Variants in SV2B observed in about 807,000 individuals in gnomAD.
SV2B encodes the protein solute carrier family 22 member B2.
In SV2B, 41 loss-of-function variants were observed where a neutral mutation model predicts 73.9. The ratio of observed to expected loss-of-function variants is 0.56; its 90% CI spans 0.43 to 0.72. SV2B has a LOEUF of 0.72. Among genes scored for constraint, SV2B ranks in the 30% least tolerant of loss-of-function variants. SV2B has a pLI of 0.00. For synonymous variants in SV2B, 314 were observed against 314.2 expected (o/e 1.00, Z 0.01); for missense variants, 764 against 857.8 (o/e 0.89, Z 1.37).
intron 1 of SV2B, among the ~76,000 whole-genome samples, chr15:91,153,625 T>C (rs889929994): frequency 6.6e-5 from 10 of 152,100 alleles, no homozygotes; most frequent in Admixed American, 5.9e-4. Context: ...TGAGATAAGC[T>C]TGTGTCATGC....
intron 1 of SV2B, among the ~76,000 whole-genome samples, chr15:91,219,507 C>T (rs938942279): frequency 3.3e-5 from 5 of 152,000 alleles, no homozygotes; most frequent in African/African-American, 1.2e-4. Context: ...TTAGAGCAGC[C>T]TATATTCCAT....
chr15:91,205,806 T>C (rs2045614353), intron 1 of SV2B, among the ~76,000 whole-genome samples: 1 of 152,218 alleles, frequency 6.6e-6, no homozygotes, highest in South Asian at 2.1e-4. Flanking sequence ...CAATATCATT[T>C]AGTCTAGGTT....
At position 91,223,439 on chromosome 15, in the gene SV2B, G is replaced by T. The variant is rs1261962135; in HGVS notation, c.-391-2434G>T. Among the ~76,000 whole-genome samples the T allele has an allele frequency of 1.3e-5, 2 of 152,186 alleles. No homozygotes were observed. Among genetic ancestry groups the T allele is most frequent in the African/African-American group, 4.8e-5 (2 of 41,440 alleles). ...GTCTTTTAACTGAATCAGGTGAGTG[G>T]AGTTAGTTTTGACGAAGATCCTCTT... On this transcript the variant is annotated intron_variant, in intron 1 of 12. Coordinates refer to ENST00000394232, the MANE Select transcript of SV2B (RefSeq NM_001323032.3). This position sits in a 1 kb window ranked among gnomAD's most constrained non-coding sequence, Gnocchi z 4.6.
intron 1 of SV2B, among the ~76,000 whole-genome samples, chr15:91,155,888 A>T (rs2043474160): frequency 6.6e-6 from 1 of 152,048 alleles, no homozygotes. Context: ...GCATTTTAAG[A>T]GTCCCTGAAA....
chr15:91,252,463 T>A lies in SV2B; in HGVS notation c.727T>A (p.Trp243Arg). The change falls in exon 4 of 13, where the codon TGG becomes AGG. Residue 243 changes from tryptophan (W) to arginine (R), a missense_variant. Transcript: ENST00000394232. This position sits in a 1 kb window ranked among gnomAD's most constrained non-coding sequence, Gnocchi z 4.6. ...GEHLSWLGIF[W>R]MTGGLYASAM... ...ACACCTCAGTTGGCTGGGCATCTTC[T>A]GGATGACTGGGGGCCTGTACGCATC... 6.2e-7 allele frequency: 1 copy of A among 1,613,880 alleles called. No homozygotes were observed. The highest frequency in any genetic ancestry group is 1.1e-5 in the South Asian group (1 of 91,012).
intron 2 of SV2B, among the ~76,000 whole-genome samples, chr15:91,244,355 C>G (rs1156401847): frequency 6.6e-6 from 1 of 152,144 alleles, no homozygotes; most frequent in Non-Finnish European, 1.5e-5. Context: ...GAAAGAATTC[C>G]AACTACCAAG....
At chr15:91,159,523 A>T (rs944240720) in intron 1 of SV2B, among the ~76,000 whole-genome samples, 1 of 152,218 alleles carries the variant, frequency 6.6e-6, no homozygotes. Flanking sequence ...ATGATTTTTG[A>T]TAAAAACATG....
chr15:91,160,867 T>G (rs1477405449), intron 1 of SV2B, among the ~76,000 whole-genome samples: 2 of 152,154 alleles, frequency 1.3e-5, no homozygotes, highest in Non-Finnish European at 2.9e-5. Flanking sequence ...AAATTTCAGA[T>G]GCATTAATCA....
chr15:91,107,703 G>C (rs766989131), intron 1 of SV2B, among the ~76,000 whole-genome samples: 60 of 152,106 alleles, frequency 3.9e-4, no homozygotes, highest in Non-Finnish European at 6.5e-4. Context: ...TTGACCTCCC[G>C]GGCTCAAGTG....
At chr15:91,160,161 A>G (rs1222990424) in intron 1 of SV2B, among the ~76,000 whole-genome samples, 6 of 152,200 alleles carry the variant, frequency 3.9e-5, no homozygotes, top group Non-Finnish European at 7.3e-5. Context: ...AATATTTAAT[A>G]TAATTCTGAT....
chr15:91,246,744 CCTCCTT>C (rs928160029), intron 2 of SV2B, among the ~76,000 whole-genome samples: 11 of 146,786 alleles, frequency 7.5e-5, no homozygotes, highest in Non-Finnish European at 1.3e-4. Context: ...TCCTCCTCCT[CCTCCTT>C]CTTCTCCTCT....
chr15:91,117,593 TCTC>T (rs1339978307), intron 1 of SV2B, among the ~76,000 whole-genome samples: 7 of 152,188 alleles, frequency 4.6e-5, no homozygotes, highest in African/African-American at 1.2e-4. Context: ...GACATATTCT[TCTC>T]CTTCTTCTCA....
In SV2B at chr15:91,260,332, G is replaced by C; in HGVS notation, c.931G>C (p.Asp311His). Residue 311 changes from aspartate to histidine, a missense_variant, in exon 6 of 13, where the codon GAT becomes CAT. Physicochemically the swap from Asp to His is moderately conservative, Grantham distance 81. Coordinates refer to ENST00000394232, the MANE Select transcript of SV2B (RefSeq NM_001323032.3). ...PRFLLEMGKH[D>H]EAWMILKQVH... is the part of the protein sequence containing the mutation. Reference sequence around the variant, plus strand: ...TTGGTTTCACCAGATGGGCAAACATGATGAAGCCTGGATGATTCTCAAGCA... The same window carrying C: ...TTGGTTTCACCAGATGGGCAAACATCATGAAGCCTGGATGATTCTCAAGCA... 1 of 1,610,780 alleles carries C rather than the reference G, an allele frequency of 6.2e-7. No individual in the cohort carries two copies. The highest frequency in any genetic ancestry group is 8.5e-7 in the Non-Finnish European group (1 of 1,179,156).
rs1000036142 is a variant in SV2B, at chr15:91,301,605, G to C, written c.*9053G>C. Among the ~76,000 whole-genome samples, 2 of 152,006 alleles carry C rather than the reference G, an allele frequency of 1.3e-5. No individual in the cohort carries two copies. Among genetic ancestry groups the C allele is most frequent in the African/African-American group, 4.8e-5 (2 of 41,456 alleles). On this transcript the variant is annotated 3_prime_UTR_variant, in exon 13 of 13. Coordinates refer to ENST00000394232, the MANE Select transcript of SV2B (RefSeq NM_001323032.3). The surrounding 1 kb of genome is among the most constrained non-coding windows in gnomAD (Gnocchi z 4.3). ...ACCTTCATAATAACCTAATGAGTAA[G>C]TGTTATTTTCTTCCCTTTAGAAGTG... is the stretch of plus-strand genomic sequence containing the variant.
chr15:91,282,930 G>A (rs1213091691), intron 10 of SV2B, among the ~76,000 whole-genome samples: 1 of 152,134 alleles, frequency 6.6e-6, no homozygotes, highest in Non-Finnish European at 1.5e-5. Context: ...TTAGAAACTG[G>A]CATATTGTTT....
rs1011302350 is a variant in SV2B, at chr15:91,139,159, T to G, written c.-392+38796T>G. Among the ~76,000 whole-genome samples, 1 of 152,150 alleles carries G rather than the reference T, an allele frequency of 6.6e-6. No homozygotes were observed. Among genetic ancestry groups the G allele is most frequent in the Non-Finnish European group, 1.5e-5 (1 of 68,024 alleles). ...GCGTATGGCTAAAATCATATGATGT[T>G]GGGCTGTGCTTCACAATCATCCAAT... On this transcript the variant is annotated intron_variant, in intron 1 of 12. Coordinates refer to ENST00000394232, the MANE Select transcript of SV2B (RefSeq NM_001323032.3). The surrounding 1 kb of genome is among the most constrained non-coding windows in gnomAD (Gnocchi z 5.2).
chr15:91,267,434 A>C lies in SV2B; in HGVS notation c.1120-121A>C. On this transcript the variant is annotated intron_variant, in intron 7 of 12. Transcript: ENST00000394232. The surrounding 1 kb of genome is among the most constrained non-coding windows in gnomAD (Gnocchi z 4.3). The stretch of plus-strand genomic sequence containing the variant: ...TGCTGCCTCTAGGAGACAGTGGGGT[A>C]CCGGTTCTCTCCATGGGTTCCTAGG... The C allele has an allele frequency of 1.3e-6, 1 of 772,122 alleles. No homozygotes were observed. The allele number at this position is 772,122 out of a possible 1,614,324, so 47.8% of individuals were successfully genotyped here.
At chr15:91,181,143 T>G (rs2044539995) in intron 1 of SV2B, among the ~76,000 whole-genome samples, 1 of 152,206 alleles carries the variant, frequency 6.6e-6, no homozygotes, top group Non-Finnish European at 1.5e-5. Context: ...TCTGTTGGAG[T>G]TTGCCAGAGG....
chr15:91,177,281 T>A (rs1397962967), intron 1 of SV2B, among the ~76,000 whole-genome samples: 1 of 149,562 alleles, frequency 6.7e-6, no homozygotes, highest in Admixed American at 6.7e-5. Context: ...ACCATGCTGT[T>A]TTGGTTACTG....
Sources: gnomAD v4.1 joint callset for allele counts (sites outside exome capture counted in the v4.1 genomes callset) on GRCh38, gnomAD v4.1.1 for gene constraint, Gnocchi (gnomAD v3.1) non-coding constraint, MANE v1.5 for transcripts, NCBI Gene and HGNC (gene_info 2026-07-23, HGNC 2026-07-21) for gene names.